The following SUCLG2 variants were observed in gnomAD, a reference collection of about 807,000 sequenced individuals.
SUCLG2 encodes the protein succinate-CoA ligase GDP-forming subunit beta.
SUCLG2 carries 42 observed loss-of-function variants against 47.9 expected under a neutral mutation model. That is an observed-to-expected ratio of 0.88 (90% CI 0.69 to 1.14). The LOEUF is 1.14. Ranked by LOEUF, SUCLG2 falls within the 50% of genes most tolerant of loss-of-function variation. The pLI, the probability that SUCLG2 is intolerant of heterozygous loss-of-function variation, is 0.00. For missense variants in SUCLG2, 571 were observed against 525.9 expected (o/e 1.09, Z -0.84); for synonymous variants, 195 against 197.3 (o/e 0.99, Z 0.10).
intron 9 of SUCLG2, among the ~76,000 whole-genome samples, chr3:67,472,156 C>T (rs945830717): frequency 3.3e-5 from 5 of 152,154 alleles, no homozygotes; most frequent in Non-Finnish European, 7.4e-5. Context: ...AACAAGCAAA[C>T]AACTTCTTTC....
chr3:67,508,592 G>A (rs1705703135), intron 7 of SUCLG2, among the ~76,000 whole-genome samples: 1 of 152,110 alleles, frequency 6.6e-6, no homozygotes, highest in Non-Finnish European at 1.5e-5. Context: ...AGTAAAACAA[G>A]CAGTAGCTTC....
intron 1 of SUCLG2, among the ~76,000 whole-genome samples, chr3:67,618,777 GTAA>G (rs911076970): frequency 1.3e-5 from 2 of 152,226 alleles, no homozygotes; most frequent in African/African-American, 4.8e-5. Context: ...TGACAAATTG[GTAA>G]TAATAATAAT....
At chr3:67,650,947 C>T (rs145836819) in intron 1 of SUCLG2, among the ~76,000 whole-genome samples, 2 of 152,296 alleles carry the variant, frequency 1.3e-5, no homozygotes, top group East Asian at 3.9e-4. Context: ...GCAGTATGTA[C>T]TCATATCTTG....
At chr3:67,556,717 T>C (rs989536457) in intron 2 of SUCLG2, among the ~76,000 whole-genome samples, 2 of 152,158 alleles carry the variant, frequency 1.3e-5, no homozygotes, top group African/African-American at 4.8e-5. Context: ...TCCTTCCCAC[T>C]AGCCCATCAA....
intron 2 of SUCLG2, among the ~76,000 whole-genome samples, chr3:67,529,999 A>C (rs1395670066): frequency 6.6e-6 from 1 of 152,236 alleles, no homozygotes; most frequent in African/African-American, 2.4e-5. Context: ...AACAACAAAC[A>C]AAAAACTGCC....
In SUCLG2 at chr3:67,510,952, G is replaced by A. The variant is rs150143053; in HGVS notation, c.661-2049C>T. 3.6e-3 allele frequency among the ~76,000 whole-genome samples: 538 copies of A among 147,922 alleles called. 2 individuals carry two copies. The highest frequency in any genetic ancestry group is 0.013 in the African/African-American group (511 of 39,878). On this transcript the variant is annotated intron_variant, in intron 6 of 10. Transcript: ENST00000307227. ...TGTTGCCAGCCTGGAGTGCAATGGC[G>A]CGATCTCAGCTCACTGCAACCTCCA...
intron 9 of SUCLG2, among the ~76,000 whole-genome samples, chr3:67,463,279 G>A (rs1262546256): frequency 6.6e-6 from 1 of 152,152 alleles, no homozygotes; most frequent in Non-Finnish European, 1.5e-5. Context: ...GACACACAGA[G>A]TACCCTCACC....
intron 10 of SUCLG2, among the ~76,000 whole-genome samples, chr3:67,400,525 A>C (rs1319831846): frequency 6.6e-6 from 1 of 152,172 alleles, no homozygotes; most frequent in African/African-American, 2.4e-5. Flanking sequence ...AAATCTGGAG[A>C]ATCATAACAC....
At chr3:67,625,150 G>C (rs904269710) in intron 1 of SUCLG2, among the ~76,000 whole-genome samples, 1 of 152,218 alleles carries the variant, frequency 6.6e-6, no homozygotes, top group Non-Finnish European at 1.5e-5. Context: ...TAGAAGTGAA[G>C]AGAGAATGAG....
intron 9 of SUCLG2, among the ~76,000 whole-genome samples, chr3:67,432,284 A>G (rs909927649): frequency 6.6e-6 from 1 of 152,236 alleles, no homozygotes; most frequent in Non-Finnish European, 1.5e-5. Context: ...AACTGGCTGC[A>G]TATTATACTA....
intron 2 of SUCLG2, among the ~76,000 whole-genome samples, chr3:67,548,880 G>A (rs1002460845): frequency 6.6e-6 from 1 of 152,060 alleles, no homozygotes; most frequent in Non-Finnish European, 1.5e-5. Flanking sequence ...ACTATCCAAA[G>A]GCGTATAAAA....
chr3:67,476,219 C>T (rs113963241), intron 9 of SUCLG2, among the ~76,000 whole-genome samples: 10,441 of 151,950 alleles, frequency 0.069, 426 homozygotes, highest in East Asian at 0.2. Flanking sequence ...GGAACTGGGC[C>T]GCACAGCAGG....
At chr3:67,493,088 T>C (rs1469592791) in intron 9 of SUCLG2, among the ~76,000 whole-genome samples, 3 of 152,322 alleles carry the variant, frequency 2.0e-5, no homozygotes, top group Non-Finnish European at 4.4e-5. Flanking sequence ...ACCTTTGAAA[T>C]AATTAGCTTT....
chr3:67,508,037 G>A (rs1205337670), intron 7 of SUCLG2, among the ~76,000 whole-genome samples: 1 of 152,208 alleles, frequency 6.6e-6, no homozygotes, highest in Non-Finnish European at 1.5e-5. Context: ...AAGAAACAGT[G>A]CAGTGGTGGT....
intron 2 of SUCLG2, among the ~76,000 whole-genome samples, chr3:67,563,856 G>T (rs1707377285): frequency 6.6e-6 from 1 of 151,460 alleles, no homozygotes; most frequent in Non-Finnish European, 1.5e-5. Context: ...AGCTACTCAG[G>T]AGGCTGAGGC....
chr3:67,638,559 G>A (rs1420957101), intron 1 of SUCLG2, among the ~76,000 whole-genome samples: 1 of 152,136 alleles, frequency 6.6e-6, no homozygotes, highest in Non-Finnish European at 1.5e-5. Context: ...CAAGTTTGGT[G>A]GATAAAGAAA....
At chr3:67,485,992 G>C (rs1003169312) in intron 9 of SUCLG2, among the ~76,000 whole-genome samples, 3 of 152,166 alleles carry the variant, frequency 2.0e-5, no homozygotes, top group Non-Finnish European at 4.4e-5. Context: ...AAGTGTCTCA[G>C]CTTGGCGTTG....
chr3:67,405,166 C>A (rs1045246189), intron 9 of SUCLG2, among the ~76,000 whole-genome samples: 1 of 152,092 alleles, frequency 6.6e-6, no homozygotes, highest in Non-Finnish European at 1.5e-5. Context: ...ATACAGGGCC[C>A]GGGTCCCCAG....
At chr3:67,443,775 C>T (rs1406707479) in intron 9 of SUCLG2, among the ~76,000 whole-genome samples, 48 of 89,052 alleles carry the variant, frequency 5.4e-4, no homozygotes, top group Non-Finnish European at 1.0e-3. Flanking sequence ...CATCTCTGCC[C>T]GGCCGCCCCG....
Sources: gnomAD v4.1 joint callset for allele counts (sites outside exome capture counted in the v4.1 genomes callset) on GRCh38, gnomAD v4.1.1 for gene constraint, MANE v1.5 for transcripts, NCBI Gene and HGNC (gene_info 2026-07-23, HGNC 2026-07-21) for gene names.